Variants in PRELID3B observed in about 807,000 individuals in gnomAD.
The protein encoded by PRELID3B is PRELI domain containing protein 3B.
A neutral mutation model predicts 24.0 loss-of-function variants in PRELID3B; 15 were observed. The observed-to-expected ratio is 0.63, with a 90% CI of 0.42 to 0.96. The LOEUF is 0.96. PRELID3B is among the 40% of genes least tolerant of loss of function. The probability of loss-of-function intolerance (pLI) is 0.00; values close to 1 mark genes in which losing one functional copy is unlikely to be tolerated. For synonymous variants in PRELID3B, 62 were observed against 76.0 expected, an observed-to-expected ratio of 0.82 and a Z score of 0.96; for missense variants, 189 against 236.0, an observed-to-expected ratio of 0.80 and a Z score of 1.30.
intron 5 of PRELID3B, among the ~76,000 whole-genome samples, chr20:59,036,023 A>G (rs2092069560): frequency 6.6e-6 from 1 of 152,236 alleles, no homozygotes; most frequent in South Asian, 2.1e-4. Context: ...TGTATATGAT[A>G]TATGACTTAA....
chr20:59,039,236 T>G (rs1039077007), intron 1 of PRELID3B, among the ~76,000 whole-genome samples: 2 of 152,204 alleles, frequency 1.3e-5, no homozygotes, highest in Non-Finnish European at 2.9e-5. Flanking sequence ...GATTTCTGTT[T>G]TGAAAAGGTC....
chr20:59,033,968 T>TC lies in PRELID3B; in HGVS notation c.*1038dup. 1 of 152,144 alleles carries TC rather than the reference T, an allele frequency of 6.6e-6. No individual in the cohort carries two copies. The highest frequency in any genetic ancestry group is 1.5e-5 in the Non-Finnish European group (1 of 68,036). 9.4% of individuals were successfully genotyped at this position (152,144 alleles called of 1,614,324 possible). A position where few individuals can be genotyped will look rare whatever the true frequency, so the allele number is the denominator to read the frequency against. On this transcript the variant is annotated 3_prime_UTR_variant, in exon 6 of 6. Transcript: ENST00000355937. Reference sequence around the variant, plus strand: ...CTCCCCCTACCATTATGCTTGTTCTTCCCCACCGCCCCCAAATCCTGCAGT... The same window carrying TC: ...CTCCCCCTACCATTATGCTTGTTCTTCCCCCACCGCCCCCAAATCCTGCAGT...
intron 2 of PRELID3B, 37 bp from the exon 3 acceptor site, chr20:59,037,317 A>C (rs778492401): frequency 4.9e-5 from 70 of 1,439,670 alleles, no homozygotes; most frequent in Admixed American, 8.5e-5. Context: ...TCAGAGGAGG[A>C]AGAATTTCTT....
rs1353166336 is a variant in PRELID3B at position 59,034,113 on chromosome 20, A to G, written c.*894T>C. On this transcript the variant is annotated 3_prime_UTR_variant, in exon 6 of 6. Coordinates refer to ENST00000355937, the MANE Select transcript of PRELID3B (RefSeq NM_016045.3). The stretch of plus-strand genomic sequence containing the variant: ...GTAAAAAAGATGTTTTGTGGTCACA[A>G]TTACTTCAAAAAGTAATTATATTCA... 1.3e-5 allele frequency: 2 copies of G among 152,248 alleles called. No homozygotes were observed. The highest frequency in any genetic ancestry group is 4.8e-5 in the African/African-American group (2 of 41,470). The allele number at this position is 152,248 out of a possible 1,614,324, so 9.4% of individuals were successfully genotyped here.
intron 1 of PRELID3B, among the ~76,000 whole-genome samples, chr20:59,041,591 C>T (rs1411450052): frequency 2.0e-5 from 3 of 152,166 alleles, no homozygotes; most frequent in Admixed American, 1.3e-4. Flanking sequence ...AAAAATTAGC[C>T]GGGCGCGGTG....
chr20:59,036,161 G>A (rs139823014), intron 5 of PRELID3B, among the ~76,000 whole-genome samples: 3 of 152,252 alleles, frequency 2.0e-5, no homozygotes, highest in African/African-American at 7.2e-5. Flanking sequence ...TCAGTGCTGG[G>A]CCTCAGGCTA....
chr20:59,038,392 A>G (rs375448353), intron 2 of PRELID3B, 74 bp downstream of exon 2: 1 of 1,319,538 alleles, frequency 7.6e-7, no homozygotes, highest in Non-Finnish European at 1.0e-6. Context: ...CCCACAACCT[A>G]TTTGAAAGTA....
intron 1 of PRELID3B, among the ~76,000 whole-genome samples, chr20:59,041,205 A>G (rs2092107569): frequency 6.6e-6 from 1 of 152,222 alleles, no homozygotes; most frequent in Non-Finnish European, 1.5e-5. Context: ...GACTGAAATT[A>G]AACATCCTCG....
In PRELID3B at chr20:59,040,569, T is replaced by G. The variant is rs929956334; in HGVS notation, c.33-1935A>C. The stretch of plus-strand genomic sequence containing the variant: ...TTCACCTGGATGCCAACTATAGGCC[T>G]CAGAAGAAAAGTGTTGGAAAATCAA... On this transcript the variant is annotated intron_variant, in intron 1 of 5. Transcript: ENST00000355937. This position sits in a 1 kb window ranked among gnomAD's most constrained non-coding sequence, Gnocchi z 4.1. Among the ~76,000 whole-genome samples, 12 of 152,208 alleles carry G rather than the reference T, an allele frequency of 7.9e-5. No individual in the cohort carries two copies. Among genetic ancestry groups the G allele is most frequent in the African/African-American group, 2.7e-4 (11 of 41,442 alleles).
At position 59,038,609 on chromosome 20, in the gene PRELID3B, C is replaced by T. The variant is rs2092090624; in HGVS notation, c.58G>A (p.Ala20Thr). ...FDHPWETVTT[A>T]AMQKYPNPMN... Reference sequence around the variant, plus strand: ...GGGTTTGGGTATTTCTGCATTGCAGCTGTTGTAACAGTTTCCCACGGGTGG... The same window carrying T: ...GGGTTTGGGTATTTCTGCATTGCAGTTGTTGTAACAGTTTCCCACGGGTGG... The change falls in exon 2 of 6, where the codon GCT becomes ACT. Residue 20 changes from alanine (A) to threonine (T), a missense_variant. Transcript: ENST00000355937. The T allele has an allele frequency of 6.2e-7, 1 of 1,607,338 alleles. No individual in the cohort carries two copies. The highest frequency in any genetic ancestry group is 8.5e-7 in the Non-Finnish European group (1 of 1,178,168).
In PRELID3B at chr20:59,040,127, G is replaced by T. The variant is rs937525133; in HGVS notation, c.33-1493C>A. 6.6e-6 allele frequency among the ~76,000 whole-genome samples: 1 copy of T among 152,162 alleles called. No individual in the cohort carries two copies. The highest frequency in any genetic ancestry group is 1.5e-5 in the Non-Finnish European group (1 of 68,036). ...TTAATAATCGCATGACTTCAGGGTG[G>T]TTATGCATTATTTGTAATTTAGTCC... On this transcript the variant is annotated intron_variant, in intron 1 of 5. Coordinates refer to ENST00000355937, the MANE Select transcript of PRELID3B (RefSeq NM_016045.3). The surrounding 1 kb of genome is among the most constrained non-coding windows in gnomAD (Gnocchi z 4.1).
intron 3 of PRELID3B, 80 bp downstream of exon 3, chr20:59,037,111 T>A: frequency 9.6e-7 from 1 of 1,045,518 alleles, no homozygotes; most frequent in Non-Finnish European, 1.5e-6. Flanking sequence ...GAACACGCAC[T>A]CACTTCTACG....
chr20:59,035,245 A>G, intron 5 of PRELID3B, 119 bp from the exon 6 acceptor site: 1 of 911,680 alleles, frequency 1.1e-6, no homozygotes, highest in Non-Finnish European at 1.6e-6. Context: ...TCAGGATGAC[A>G]GATCGTTTTT....
At chr20:59,039,425 A>C (rs2092096520) in intron 1 of PRELID3B, among the ~76,000 whole-genome samples, 1 of 152,252 alleles carries the variant, frequency 6.6e-6, no homozygotes, top group Non-Finnish European at 1.5e-5. Context: ...TGGATGATTC[A>C]AAATGTGATG....
chr20:59,036,433 G>T, intron 5 of PRELID3B, 38 bp downstream of exon 5: 1 of 1,452,374 alleles, frequency 6.9e-7, no homozygotes, highest in South Asian at 1.1e-5. Flanking sequence ...CCCAGGAAAT[G>T]AACCAGGGAA....
rs2092059445 is a variant in PRELID3B, at chr20:59,034,900, A to G, written c.*107T>C. ...CTTACACCAACTTATCAAAAAAAAA[A>G]AAAAAAAAACTACCCAAAATATAGT... On this transcript the variant is annotated 3_prime_UTR_variant, in exon 6 of 6. Transcript: ENST00000355937. 3.5e-6 allele frequency: 4 copies of G among 1,130,150 alleles called. No individual in the cohort carries two copies. The highest frequency in any genetic ancestry group is 1.6e-5 in the African/African-American group (1 of 63,912). The allele number at this position is 1,130,150 out of a possible 1,614,324, so 70.0% of individuals were successfully genotyped here. A position where few individuals can be genotyped will look rare whatever the true frequency, so the allele number is the denominator to read the frequency against.
rs1468280859 is a variant in PRELID3B, at chr20:59,033,666, C to G, written c.*1341G>C. On this transcript the variant is annotated 3_prime_UTR_variant, in exon 6 of 6. Transcript: ENST00000355937. ...GGTTTATGTACATATATTAACTGGT[C>G]TCTTGGATAGGAAACATGACTAGAA... 1 of 152,126 alleles carries G rather than the reference C, an allele frequency of 6.6e-6. No homozygotes were observed. The highest frequency in any genetic ancestry group is 1.5e-5 in the Non-Finnish European group (1 of 68,036). The allele number at this position is 152,126 out of a possible 1,614,324, so 9.4% of individuals were successfully genotyped here.
In PRELID3B at chr20:59,036,585, CAT is replaced by C. The variant is rs2092074168; in HGVS notation, c.363-14_363-13del. 6.2e-7 allele frequency: 1 copy of C among 1,608,760 alleles called. No individual in the cohort carries two copies. The highest frequency in any genetic ancestry group is 1.4e-5 in the African/African-American group (1 of 73,716). ...GTGTCAAAACAGTTCTGGAACAAAA[CAT>C]ATTCACACAGGTTCAGATGACCCAG... On this transcript the variant is annotated splice_polypyrimidine_tract_variant and intron_variant, in intron 4 of 5. Transcript: ENST00000355937.
At chr20:59,035,274 GT>G in intron 5 of PRELID3B, 148 bp from the exon 6 acceptor site, 2 of 662,648 alleles carry the variant, frequency 3.0e-6, no homozygotes, top group East Asian at 5.7e-5. Flanking sequence ...TTTTTCTAAT[GT>G]TATTTAGCAA....
Sources: gnomAD v4.1 joint callset for allele counts (sites outside exome capture counted in the v4.1 genomes callset) on GRCh38, gnomAD v4.1.1 for gene constraint, Gnocchi (gnomAD v3.1) non-coding constraint, MANE v1.5 for transcripts, NCBI Gene and HGNC (gene_info 2026-07-23, HGNC 2026-07-21) for gene names.